Variants in THEMIS observed in about 807,000 individuals in gnomAD.
THEMIS encodes the protein thymocyte selection associated.
A neutral mutation model predicts 52.6 loss-of-function variants in THEMIS; 37 were observed. The ratio of observed to expected loss-of-function variants is 0.70; its 90% CI spans 0.54 to 0.93. THEMIS has a LOEUF of 0.93. Ranked by LOEUF, THEMIS falls within the 40% of genes least tolerant of loss-of-function variation. THEMIS has a pLI of 0.00. For synonymous variants in THEMIS, 292 were observed against 272.7 expected (o/e 1.07, Z -0.70); for missense variants, 808 against 763.1 (o/e 1.06, Z -0.69).
intron 1 of THEMIS, among the ~76,000 whole-genome samples, chr6:127,865,097 G>A (rs1378547410): frequency 6.6e-6 from 1 of 152,108 alleles, no homozygotes; most frequent in Non-Finnish European, 1.5e-5. Flanking sequence ...GATCACAAAG[G>A]CATGGAGTGC....
chr6:127,890,667 TG>T (rs949051939), intron 1 of THEMIS, among the ~76,000 whole-genome samples: 6 of 152,144 alleles, frequency 3.9e-5, no homozygotes, highest in African/African-American at 1.4e-4. Flanking sequence ...TCACGCTGTA[TG>T]TATGAATCAA....
At chr6:127,749,688 C>A (rs1489394745) in intron 4 of THEMIS, among the ~76,000 whole-genome samples, 1 of 151,632 alleles carries the variant, frequency 6.6e-6, no homozygotes, top group South Asian at 2.1e-4. Context: ...AAGACCCTGA[C>A]AAATCATTAC....
At chr6:127,893,152 T>A (rs1483489474) in intron 1 of THEMIS, among the ~76,000 whole-genome samples, 1 of 152,082 alleles carries the variant, frequency 6.6e-6, no homozygotes, top group East Asian at 1.9e-4. Context: ...AGTTTCACAT[T>A]TTTATGTGGT....
chr6:127,782,949 G>A (rs1776799243), intron 4 of THEMIS, among the ~76,000 whole-genome samples: 3 of 152,096 alleles, frequency 2.0e-5, no homozygotes, highest in Admixed American at 2.0e-4. Context: ...TAAGCAAAAA[G>A]AGCAAAGCTG....
At chr6:127,739,572 C>T (rs1029168793) in intron 4 of THEMIS, among the ~76,000 whole-genome samples, 1 of 151,992 alleles carries the variant, frequency 6.6e-6, no homozygotes, top group East Asian at 1.9e-4. Flanking sequence ...ACCCGGGAGG[C>T]GAGCTTACTG....
At chr6:127,900,696 G>T in intron 1 of THEMIS, 146 bp downstream of exon 1, 3 of 674,608 alleles carry the variant, frequency 4.4e-6, no homozygotes, top group East Asian at 2.7e-5. Context: ...TTGACGATTC[G>T]TTGGTCAGTT....
At chr6:127,787,857 A>AGATAGATAGATC (rs1777014509) in intron 4 of THEMIS, among the ~76,000 whole-genome samples, 2 of 129,562 alleles carry the variant, frequency 1.5e-5, no homozygotes, top group Admixed American at 7.9e-5. Context: ...AGATATAGAT[A>AGATAGATAGATC]GATAGATAGA....
At chr6:127,795,832 C>T (rs1194089137) in intron 4 of THEMIS, among the ~76,000 whole-genome samples, 3 of 152,092 alleles carry the variant, frequency 2.0e-5, no homozygotes, top group African/African-American at 7.2e-5. Context: ...TTAGGAAGTA[C>T]TAGAAAGTCC....
chr6:127,767,929 G>T (rs1174406582), intron 4 of THEMIS, among the ~76,000 whole-genome samples: 1 of 152,088 alleles, frequency 6.6e-6, no homozygotes, highest in Non-Finnish European at 1.5e-5. Flanking sequence ...AATCTTATGA[G>T]ACCACTGTAT....
chr6:127,731,738 C>T (rs1381467141), intron 4 of THEMIS, among the ~76,000 whole-genome samples: 3 of 145,182 alleles, frequency 2.1e-5, no homozygotes, highest in Non-Finnish European at 3.0e-5. Context: ...CGCTCTGTCG[C>T]CCAGGCTAGA....
chr6:127,706,613 G>T (rs917217876), downstream of THEMIS, among the ~76,000 whole-genome samples: 8 of 152,190 alleles, frequency 5.3e-5, no homozygotes, highest in Admixed American at 4.6e-4. Flanking sequence ...AGACAGAAAA[G>T]AAACAAGACA....
intron 1 of THEMIS, among the ~76,000 whole-genome samples, chr6:127,874,099 G>A (rs1780240443): frequency 6.6e-6 from 1 of 152,182 alleles, no homozygotes; most frequent in South Asian, 2.1e-4. Flanking sequence ...CACTATGATG[G>A]AACGTTTGTA....
At chr6:127,912,014 TG>T (rs1362050602) in intron 1 of THEMIS, among the ~76,000 whole-genome samples, 3 of 152,158 alleles carry the variant, frequency 2.0e-5, no homozygotes, top group Non-Finnish European at 2.9e-5. Flanking sequence ...CCTTGGGTTA[TG>T]GGTTTGCAGC....
At chr6:127,743,943 C>G (rs1437507277) in intron 4 of THEMIS, among the ~76,000 whole-genome samples, 1 of 151,726 alleles carries the variant, frequency 6.6e-6, no homozygotes, top group African/African-American at 2.4e-5. Flanking sequence ...TGTTTTTTGT[C>G]TAGGAAAAGT....
chr6:127,750,763 C>T (rs1775614253), intron 4 of THEMIS, among the ~76,000 whole-genome samples: 1 of 151,716 alleles, frequency 6.6e-6, no homozygotes, highest in Admixed American at 6.6e-5. Context: ...TATAAAAGAA[C>T]ATTCATAAGA....
rs62426513 is a variant in THEMIS at position 127,918,023 on chromosome 6, C to T, written c.-150+405G>A. Among the ~76,000 whole-genome samples, 826 of 152,254 alleles carry T rather than the reference C, an allele frequency of 5.4e-3. 7 individuals are homozygous for T. Among genetic ancestry groups the T allele is most frequent in the Admixed American group, 9.9e-3 (151 of 15,286 alleles). On this transcript the variant is annotated intron_variant, in intron 1 of 6. Transcript: ENST00000368250. ...TACACTGTAGTAAAAGTCCTCATTG[C>T]AAGGATAAGTATTGATTTTTAAGAA...
intron 2 of THEMIS, 24 bp downstream of exon 2, chr6:127,855,006 A>G (rs773455106): frequency 1.3e-6 from 2 of 1,573,234 alleles, no homozygotes; most frequent in Non-Finnish European, 1.7e-6. Context: ...TGTACAAATG[A>G]TAAGTGGTTG....
At chr6:127,739,733 G>A (rs781567056) in intron 4 of THEMIS, among the ~76,000 whole-genome samples, 1 of 152,192 alleles carries the variant, frequency 6.6e-6, no homozygotes, top group Non-Finnish European at 1.5e-5. Context: ...GGAGGAGGAG[G>A]TGATCATGTG....
rs539968573 is a variant in THEMIS, at chr6:127,887,578, T to C, written c.91+13264A>G. 2.1e-4 allele frequency among the ~76,000 whole-genome samples: 32 copies of C among 152,156 alleles called. 1 individual carries two copies. In the East Asian group the frequency reaches 4.8e-3, roughly 23 times the overall value. On this transcript the variant is annotated intron_variant, in intron 1 of 5. Coordinates refer to ENST00000368248, the MANE Select transcript of THEMIS (RefSeq NM_001010923.3). ...ACAATATAGATGAACCACAAACACATACTAAGTGAGAGAAGCCAGATAAAA... is the reference window on the plus strand; with the variant it reads ...ACAATATAGATGAACCACAAACACACACTAAGTGAGAGAAGCCAGATAAAA...
Sources: gnomAD v4.1 joint callset for allele counts (sites outside exome capture counted in the v4.1 genomes callset) on GRCh38, gnomAD v4.1.1 for gene constraint, MANE v1.5 for transcripts, NCBI Gene and HGNC (gene_info 2026-07-23, HGNC 2026-07-21) for gene names.